Variants in AGR2 observed in about 807,000 individuals in gnomAD.
AGR2 encodes anterior gradient 2, protein disulphide isomerase family member, also known as anterior gradient protein 2 homolog.
In AGR2, 27 loss-of-function variants were observed where a neutral mutation model predicts 25.9. The ratio of observed to expected loss-of-function variants is 1.04; its 90% CI spans 0.77 to 1.44. The LOEUF is 1.44. Ranked by LOEUF, AGR2 falls within the 40% of genes most tolerant of loss-of-function variation. The probability of loss-of-function intolerance (pLI) is 0.00; values close to 1 mark genes in which losing one functional copy is unlikely to be tolerated. For synonymous variants in AGR2, 78 were observed against 72.0 expected (o/e 1.08, Z -0.42); for missense variants, 182 against 200.9 (o/e 0.91, Z 0.57).
intron 1 of AGR2, 50 bp from the exon 2 acceptor site, chr7:16,801,853 C>T: frequency 6.5e-7 from 1 of 1,548,350 alleles, no homozygotes; most frequent in Non-Finnish European, 8.8e-7. Flanking sequence ...AACTAGCAGT[C>T]TTCAGGGTCT....
intron 6 of AGR2, among the ~76,000 whole-genome samples, chr7:16,797,329 T>A (rs1397872986): frequency 6.6e-6 from 1 of 152,248 alleles, no homozygotes; most frequent in Non-Finnish European, 1.5e-5. Context: ...GCCTCTCGTA[T>A]TCAGGAAATT....
intron 4 of AGR2, among the ~76,000 whole-genome samples, chr7:16,800,590 T>C (rs550679125): frequency 6.6e-6 from 1 of 152,304 alleles, no homozygotes; most frequent in East Asian, 1.9e-4. Flanking sequence ...CTGGCTTCTG[T>C]GTGGACTGGC....
At chr7:16,794,711 A>G in intron 7 of AGR2, 1 of 1,205,610 alleles carries the variant, frequency 8.3e-7, no homozygotes, top group East Asian at 2.6e-5. Context: ...AGAAAAAGAT[A>G]CCTAATCTAA....
chr7:16,801,379 C>G lies in AGR2; in HGVS notation c.144G>C (p.Trp48Cys), dbSNP rs779765821. 1.2e-6 allele frequency: 2 copies of G among 1,612,768 alleles called. No individual in the cohort carries two copies. Among genetic ancestry groups the G allele is most frequent in the South Asian group, 2.2e-5 (2 of 90,906 alleles). The change falls in exon 3 of 8, where the codon TGG becomes TGC. Residue 48 changes from tryptophan (W) to cysteine (C), a missense_variant. Trp to Cys is a radical substitution (Grantham distance 215, BLOSUM62 -2). Coordinates refer to ENST00000419304, the MANE Select transcript of AGR2 (RefSeq NM_006408.4). ...TCTGAGTCCAGATGAGTTGGTCACC[C>G]CAACCTAGAATGAAATGAATCAGTA... ...PKLPQTLSRG[W>C]GDQLIWTQTY...
Position 16,801,208 on chromosome 7 carries a change from A to G in AGR2, c.204-5T>C, listed in dbSNP as rs1279435989. ...ATAATCATCAAGGGTTTGTTGCTTT[A>G]AAAGACAGAGATTAGACAAATTTTA... On this transcript the variant is annotated splice_region_variant and splice_polypyrimidine_tract_variant and intron_variant, in intron 3 of 7. Coordinates refer to ENST00000419304, the MANE Select transcript of AGR2 (RefSeq NM_006408.4). 2 of 1,613,894 alleles carry G rather than the reference A, an allele frequency of 1.2e-6. No individual in the cohort carries two copies. Among genetic ancestry groups the G allele is most frequent in the Middle Eastern group, 3.3e-4 (2 of 6,056 alleles).
rs979199174 is a variant in AGR2, at chr7:16,794,685, C to T, written c.478+251G>A. 24 of 952,968 alleles carry T rather than the reference C, an allele frequency of 2.5e-5. 1 individual carries two copies. The Middle Eastern group carries it at 1.0e-3, about 40-fold the overall frequency. The allele number at this position is 952,968 out of a possible 1,614,324, so 59.0% of individuals were successfully genotyped here. On this transcript the variant is annotated intron_variant, in intron 7 of 7. Coordinates refer to ENST00000419304, the MANE Select transcript of AGR2 (RefSeq NM_006408.4). ...AAACCTGAAAATCAGGTAATGTGGT[C>T]ATAGAATCCTCCTAGAGAAAAAGAT...
At position 16,797,593 on chromosome 7, in the gene AGR2, A is replaced by G. The variant is rs376446370; in HGVS notation, c.394+38T>C. 116 of 1,588,914 alleles carry G rather than the reference A, an allele frequency of 7.3e-5. No homozygotes were observed. In the African/African-American group the frequency reaches 1.5e-3, roughly 20 times the overall value. ...AGAGAAGGAGGATGGCAGCACTAGTATGTGTTTCCGAGTTATCTCACTGTC... is the reference window on the plus strand; with the variant it reads ...AGAGAAGGAGGATGGCAGCACTAGTGTGTGTTTCCGAGTTATCTCACTGTC... On this transcript the variant is annotated intron_variant, in intron 6 of 7. Transcript: ENST00000419304.
In AGR2 at chr7:16,794,684, T is replaced by C. The variant is rs1785014094; in HGVS notation, c.478+252A>G. 6 of 936,928 alleles carry C rather than the reference T, an allele frequency of 6.4e-6. No homozygotes were observed. The South Asian group carries it at 1.2e-4, about 18-fold the overall frequency. The allele number at this position is 936,928 out of a possible 1,614,324, so 58.0% of individuals were successfully genotyped here. ...AAAACCTGAAAATCAGGTAATGTGG[T>C]CATAGAATCCTCCTAGAGAAAAAGA... On this transcript the variant is annotated intron_variant, in intron 7 of 7. Coordinates refer to ENST00000419304, the MANE Select transcript of AGR2 (RefSeq NM_006408.4).
At chr7:16,796,807 T>C (rs1362138115) in intron 6 of AGR2, among the ~76,000 whole-genome samples, 4 of 152,128 alleles carry the variant, frequency 2.6e-5, no homozygotes, top group Non-Finnish European at 4.4e-5. Flanking sequence ...ATAATGATGA[T>C]TGGGGAGTTA....
At chr7:16,804,834 G>T (rs890577181) in intron 1 of AGR2, 101 bp downstream of exon 1, 3 of 152,258 alleles carry the variant, frequency 2.0e-5, no homozygotes, top group African/African-American at 7.2e-5. Flanking sequence ...TTGGAAACTT[G>T]CAGTTCTCTG....
At position 16,794,830 on chromosome 7, in the gene AGR2, C is replaced by T. The variant is rs764937152; in HGVS notation, c.478+106G>A. The T allele has an allele frequency of 9.5e-6, 15 of 1,577,458 alleles. No individual in the cohort carries two copies. In the East Asian group the frequency reaches 3.6e-4, roughly 37 times the overall value. On this transcript the variant is annotated intron_variant, in intron 7 of 7. Transcript: ENST00000419304. ...GGGTCAAACTGAGTCCGAGGCGTCC[C>T]TAAGCCTAGCTCTCTCTCACCTCAC...
At chr7:16,793,307 C>G (rs1335632333) in intron 7 of AGR2, among the ~76,000 whole-genome samples, 2 of 152,130 alleles carry the variant, frequency 1.3e-5, no homozygotes, top group Non-Finnish European at 2.9e-5. Context: ...CCTCGGCCTC[C>G]CAAAGTGCTG....
In AGR2 at chr7:16,792,717, T is replaced by C. The variant is rs907735449; in HGVS notation, c.*191A>G. 1 of 604,616 alleles carries C rather than the reference T, an allele frequency of 1.7e-6. No individual in the cohort carries two copies. Among genetic ancestry groups the C allele is most frequent in the African/African-American group, 1.9e-5 (1 of 53,870 alleles). The allele number at this position is 604,616 out of a possible 1,614,324, so 37.5% of individuals were successfully genotyped here. On this transcript the variant is annotated 3_prime_UTR_variant, in exon 8 of 8. Transcript: ENST00000419304. The stretch of plus-strand genomic sequence containing the variant: ...TGGCTCACTATGGTAGTATACAATA[T>C]TGTTTTCACACATGTACACTTGAAA...
chr7:16,804,062 T>G (rs977663410), intron 1 of AGR2, among the ~76,000 whole-genome samples: 19 of 152,306 alleles, frequency 1.2e-4, no homozygotes, highest in Admixed American at 1.0e-3. Flanking sequence ...GATATATTGC[T>G]TGTGTTTTAC....
At chr7:16,803,304 C>T (rs1358198147) in intron 1 of AGR2, 4 of 151,856 alleles carry the variant, frequency 2.6e-5, no homozygotes, top group South Asian at 2.1e-4. Context: ...TCCACGGGGC[C>T]GTAACATGGA....
At chr7:16,794,856 C>T (rs1334579876) in intron 7 of AGR2, 80 bp downstream of exon 7, 2 of 1,601,202 alleles carry the variant, frequency 1.2e-6, no homozygotes, top group South Asian at 1.1e-5. Context: ...CTCACCTCAC[C>T]ATGCAGCCTC....
At chr7:16,802,339 C>T (rs1785163267) in intron 1 of AGR2, among the ~76,000 whole-genome samples, 1 of 152,176 alleles carries the variant, frequency 6.6e-6, no homozygotes, top group South Asian at 2.1e-4. Flanking sequence ...TTCAGGCATC[C>T]ACTGAGGGTC....
At chr7:16,794,742 A>T in intron 7 of AGR2, 194 bp downstream of exon 7, 2 of 1,394,134 alleles carry the variant, frequency 1.4e-6, no homozygotes, top group South Asian at 3.0e-5. Context: ...TTCAATTGAG[A>T]TTAAAAACAA....
rs1341826927 is a variant in AGR2, at chr7:16,801,781, C to T, written c.16G>A (p.Val6Met). MEKIP[V>M]SAFLLLVALS... ...GCCACAAGGAGCAAGAATGCTGACACTGGAATTTTCTCCATGGCAACTCTA... is the reference window on the plus strand; with the variant it reads ...GCCACAAGGAGCAAGAATGCTGACATTGGAATTTTCTCCATGGCAACTCTA... Residue 6 changes from valine (V) to methionine (M), a missense_variant, in exon 2 of 8, where the codon GTG becomes ATG. By Grantham distance (21) the Val-to-Met change is conservative. Transcript: ENST00000419304. 1.2e-6 allele frequency: 2 copies of T among 1,608,244 alleles called. No individual in the cohort carries two copies. The highest frequency in any genetic ancestry group is 3.4e-5 in the Admixed American group (2 of 59,340).
Sources: allele counts gnomAD v4.1 joint callset (sites outside exome capture counted in the v4.1 genomes callset), GRCh38; gene constraint gnomAD v4.1.1; transcripts MANE v1.5; gene names NCBI Gene and HGNC (gene_info 2026-07-23, HGNC 2026-07-21).